CLDND1: variants seen among roughly 807,000 people sequenced by gnomAD.
CLDND1 encodes the protein claudin domain containing 1.
Under a neutral mutation model 26.3 loss-of-function variants are expected in CLDND1, and 13 were observed. The observed-to-expected ratio is 0.49, with a 90% CI of 0.32 to 0.78. The LOEUF is 0.78. Ranked by LOEUF, CLDND1 falls within the 30% of genes least tolerant of loss-of-function variation. CLDND1 has a pLI of 0.03. For missense variants in CLDND1, 289 were observed against 312.8 expected, an observed-to-expected ratio of 0.92 and a Z score of 0.57; for synonymous variants, 107 against 107.0, an observed-to-expected ratio of 1.00 and a Z score of 0.00.
At chr3:98,522,356 C>CA (rs1386632780) in intron 1 of CLDND1, 1 of 207,726 alleles carries the variant, frequency 4.8e-6, no homozygotes, top group Non-Finnish European at 8.9e-6. Flanking sequence ...GGCAAGTATA[C>CA]ACCGTGACCG....
At position 98,516,766 on chromosome 3, in the gene CLDND1, C is replaced by G; in HGVS notation, c.655G>C (p.Ala219Pro). ...SGEFGWSFCL[A>P]CVSAPLQFMA... ...AACTGTAAGGGAGCAGAGACACAAG[C>G]CAGGCAGAAGGACCATCCAAATTCA... The change falls in exon 5 of 5, where the codon GCT (alanine) becomes CCT (proline). Residue 219 changes from alanine to proline, a missense_variant. Physicochemically the swap from Ala to Pro is conservative, Grantham distance 27 (BLOSUM62 -1). Coordinates refer to ENST00000341181, the MANE Select transcript of CLDND1 (RefSeq NM_001040181.2). 6.2e-7 allele frequency: 1 copy of G among 1,614,090 alleles called. No individual in the cohort carries two copies. The highest frequency in any genetic ancestry group is 8.5e-7 in the Non-Finnish European group (1 of 1,180,004).
intron 3 of CLDND1, among the ~76,000 whole-genome samples, chr3:98,517,550 GA>G (rs970468796): frequency 4.0e-5 from 6 of 149,028 alleles, no homozygotes; most frequent in South Asian, 2.1e-4. Context: ...AAAATATTCA[GA>G]AAAAAAAATG....
chr3:98,521,161 C>A lies in CLDND1; in HGVS notation c.264G>T (p.Met88Ile). 6.2e-7 allele frequency: 1 copy of A among 1,613,764 alleles called. No homozygotes were observed. Residue 88 changes from methionine to isoleucine, a missense_variant, in exon 2 of 5, where the codon ATG (methionine) becomes ATT (isoleucine). Physicochemically the swap from Met to Ile is conservative, Grantham distance 10 (BLOSUM62 1). Coordinates refer to ENST00000341181, the MANE Select transcript of CLDND1 (RefSeq NM_001040181.2). Reference sequence around the variant, plus strand: ...TCCTTTCTGGTGGGCTATACCAATGCATGTTTTTGGGTATGGTGATACACC... The same window carrying A: ...TCCTTTCTGGTGGGCTATACCAATGAATGTTTTTGGGTATGGTGATACACC... Reference protein sequence around the residue: ...WRRCITIPKNMHWYSPPERTE... With the variant: ...WRRCITIPKNIHWYSPPERTE...
Position 98,522,485 on chromosome 3 carries a change from G to A in CLDND1, c.-19+364C>T, listed in dbSNP as rs1236314961. ...AATGACAACGAAAACTCAAAAAGTT[G>A]GATTTGTATTTTGATTTTTTAAAAA... On this transcript the variant is annotated intron_variant, in intron 1 of 4. Transcript: ENST00000341181. The A allele has an allele frequency of 7.1e-6, 8 of 1,127,314 alleles. No individual in the cohort carries two copies. In the Admixed American group the frequency reaches 3.3e-4, roughly 46 times the overall value. The allele number at this position is 1,127,314 out of a possible 1,614,324, so 69.8% of individuals were successfully genotyped here.
At chr3:98,517,538 T>G (rs1706198221) in intron 3 of CLDND1, among the ~76,000 whole-genome samples, 1 of 152,008 alleles carries the variant, frequency 6.6e-6, no homozygotes, top group Non-Finnish European at 1.5e-5. Context: ...AACCAAGGGT[T>G]AAAAATATTC....
At chr3:98,522,135 T>C in intron 1 of CLDND1, 1 of 165,924 alleles carries the variant, frequency 6.0e-6, no homozygotes, top group Non-Finnish European at 1.3e-5. Context: ...TCCCGATTCC[T>C]TATACTTCTG....
In CLDND1 at chr3:98,516,402, G is replaced by C; in HGVS notation, c.*257C>G. ...ACTCCCAATTTTCTTTCATAAATTT[G>C]TGTCAAGTCTCTATCCATTTCTTTC... On this transcript the variant is annotated 3_prime_UTR_variant, in exon 5 of 5. Coordinates refer to ENST00000341181, the MANE Select transcript of CLDND1 (RefSeq NM_001040181.2). The C allele has an allele frequency of 1.7e-6, 2 of 1,210,332 alleles. No individual in the cohort carries two copies. Among genetic ancestry groups the C allele is most frequent in the Non-Finnish European group, 2.1e-6 (2 of 972,884 alleles). 75.0% of individuals were successfully genotyped at this position (1,210,332 alleles called of 1,614,324 possible).
intron 2 of CLDND1, among the ~76,000 whole-genome samples, chr3:98,520,328 C>CT (rs1281746748): frequency 6.6e-6 from 1 of 152,162 alleles, no homozygotes. Context: ...TCCAAATTAT[C>CT]TTTTTTTCCA....
chr3:98,521,692 A>T, intron 1 of CLDND1: 1 of 1,613,050 alleles, frequency 6.2e-7, no homozygotes. Context: ...TCTCTAGTCT[A>T]TCACCTGCAT....
intron 1 of CLDND1, chr3:98,522,495 T>C: frequency 8.5e-7 from 1 of 1,176,628 alleles, no homozygotes; most frequent in South Asian, 3.0e-5. Flanking sequence ...GGATTTGTAT[T>C]TTGATTTTTT....
chr3:98,518,718 T>C, intron 3 of CLDND1, 167 bp downstream of exon 3: 2 of 576,680 alleles, frequency 3.5e-6, no homozygotes, highest in Non-Finnish European at 6.2e-6. Flanking sequence ...AGCATGTATC[T>C]ACCTTCTAAA....
In CLDND1 at chr3:98,516,705, G is replaced by C. The variant is rs1318144507; in HGVS notation, c.716C>G (p.Thr239Ser). The C allele has an allele frequency of 1.2e-6, 2 of 1,614,036 alleles. No individual in the cohort carries two copies. The highest frequency in any genetic ancestry group is 1.3e-5 in the African/African-American group (1 of 74,916). The part of the protein sequence containing the change: ...ASALFIWAAH[T>S]NRKEYTLMKA... ...CATTAAGGTGTACTCTTTCCGGTTG[G>C]TGTGAGCAGCCCAGATGAAGAGAGC... is the stretch of plus-strand genomic sequence containing the variant. Residue 239 changes from threonine (T) to serine (S), a missense_variant, in exon 5 of 5, where the codon ACC (threonine) becomes AGC (serine). Transcript: ENST00000341181.
intron 1 of CLDND1, chr3:98,521,866 G>T: frequency 3.3e-6 from 2 of 600,380 alleles, no homozygotes; most frequent in African/African-American, 1.9e-5. Context: ...AAAAGGCACA[G>T]GAAAAAGAAG....
At chr3:98,519,599 C>T (rs998522513) in intron 2 of CLDND1, among the ~76,000 whole-genome samples, 1 of 152,186 alleles carries the variant, frequency 6.6e-6, no homozygotes, top group Non-Finnish European at 1.5e-5. Flanking sequence ...GCCAGGGTGA[C>T]CAGATCAGGG....
chr3:98,520,291 A>G (rs1706352327), intron 2 of CLDND1, among the ~76,000 whole-genome samples: 1 of 152,224 alleles, frequency 6.6e-6, no homozygotes, highest in Non-Finnish European at 1.5e-5. Context: ...TTTACAATGA[A>G]TTTTAACCAA....
At position 98,515,559 on chromosome 3, in the gene CLDND1, T is replaced by A; in HGVS notation, c.*1100A>T. The A allele has an allele frequency of 1.1e-6, 1 of 930,030 alleles. No individual in the cohort carries two copies. The highest frequency in any genetic ancestry group is 1.3e-6 in the Non-Finnish European group (1 of 751,146). The allele number at this position is 930,030 out of a possible 1,614,324, so 57.6% of individuals were successfully genotyped here. ...AAGAAATTATGAAGTTACATTTTTT[T>A]AATCTGTCAATTGCTACAGTAGTGG... On this transcript the variant is annotated 3_prime_UTR_variant, in exon 5 of 5. Transcript: ENST00000341181.
In CLDND1 at chr3:98,522,863, C is replaced by A; in HGVS notation, c.-33G>T. The stretch of plus-strand genomic sequence containing the variant: ...CGCTCACTCACCGCCCATCCTCCTG[C>A]TCCGCCAGCTTCACCCTCTAGCTCA... On this transcript the variant is annotated 5_prime_UTR_variant, in exon 1 of 5. Coordinates refer to ENST00000341181, the MANE Select transcript of CLDND1 (RefSeq NM_001040181.2). 6.2e-7 allele frequency: 1 copy of A among 1,613,792 alleles called. No homozygotes were observed. Among genetic ancestry groups the A allele is most frequent in the Non-Finnish European group, 8.5e-7 (1 of 1,179,740 alleles).
chr3:98,522,764 C>G, intron 1 of CLDND1, 85 bp downstream of exon 1: 1 of 1,609,910 alleles, frequency 6.2e-7, no homozygotes, highest in Admixed American at 1.7e-5. Flanking sequence ...CGACCACGCC[C>G]GGGAAGGGGG....
chr3:98,517,990 T>A (rs1706223858), intron 3 of CLDND1, among the ~76,000 whole-genome samples: 1 of 152,160 alleles, frequency 6.6e-6, no homozygotes, highest in Non-Finnish European at 1.5e-5. Context: ...GAAGAATATA[T>A]ATAAAGCACA....
Sources: gnomAD v4.1 joint callset for allele counts (sites outside exome capture counted in the v4.1 genomes callset) on GRCh38, gnomAD v4.1.1 for gene constraint, MANE v1.5 for transcripts, NCBI Gene and HGNC (gene_info 2026-07-23, HGNC 2026-07-21) for gene names.